Variants in GRID1 observed in about 807,000 individuals in gnomAD.
GRID1 encodes glutamate ionotropic receptor delta type subunit 1, also known as glutamate receptor ionotropic, delta-1.
GRID1 carries 28 observed loss-of-function variants against 98.0 expected under a neutral mutation model. That is an observed-to-expected ratio of 0.29 (90% CI 0.21 to 0.39). The LOEUF (loss-of-function observed/expected upper bound fraction) is 0.39. Among genes scored for constraint, GRID1 ranks in the 10% least tolerant of loss-of-function variants. The pLI is 1.00. For synonymous variants in GRID1, 553 were observed against 538.5 expected (o/e 1.03, Z -0.37); for missense variants, 1,111 against 1,340.5 (o/e 0.83, Z 2.67).
At chr10:85,845,145 G>T (rs1842994523) in intron 8 of GRID1, among the ~76,000 whole-genome samples, 1 of 151,430 alleles carries the variant, frequency 6.6e-6, no homozygotes, top group South Asian at 2.1e-4. Context: ...TGCAAATATA[G>T]AAGTTTTATT....
At chr10:85,872,184 T>G (rs1235626871) in intron 5 of GRID1, among the ~76,000 whole-genome samples, 1 of 152,050 alleles carries the variant, frequency 6.6e-6, no homozygotes, top group African/African-American at 2.4e-5. Context: ...CATTCTAATC[T>G]GAGACAAAGT....
chr10:85,842,603 TAAAAG>T (rs1216346577), intron 8 of GRID1, among the ~76,000 whole-genome samples: 2 of 151,858 alleles, frequency 1.3e-5, no homozygotes, highest in Non-Finnish European at 2.9e-5. Flanking sequence ...ATTTGAACAA[TAAAAG>T]AAAATACAAA....
At chr10:85,765,532 T>C (rs1842189826) in intron 8 of GRID1, among the ~76,000 whole-genome samples, 2 of 152,206 alleles carry the variant, frequency 1.3e-5, no homozygotes, top group South Asian at 2.1e-4. Flanking sequence ...ATGTAACACA[T>C]TGCTGTCAAA....
intron 8 of GRID1, among the ~76,000 whole-genome samples, chr10:85,851,156 C>A (rs1843054950): frequency 1.3e-5 from 2 of 152,120 alleles, no homozygotes; most frequent in Non-Finnish European, 2.9e-5. Context: ...GGTCCTGTTA[C>A]AGTTCTGAGC....
At chr10:85,993,056 A>G (rs1179620905) in intron 4 of GRID1, among the ~76,000 whole-genome samples, 6 of 152,212 alleles carry the variant, frequency 3.9e-5, no homozygotes, top group African/African-American at 1.4e-4. Flanking sequence ...GATAATATAA[A>G]AAGGACACCT....
intron 2 of GRID1, among the ~76,000 whole-genome samples, chr10:86,228,183 G>A (rs1177119631): frequency 6.6e-6 from 1 of 151,092 alleles, no homozygotes; most frequent in Non-Finnish European, 1.5e-5. Flanking sequence ...TTGAGTAGGT[G>A]GGTGGATGGA....
At chr10:86,042,807 T>C (rs1843365305) in intron 4 of GRID1, among the ~76,000 whole-genome samples, 1 of 152,176 alleles carries the variant, frequency 6.6e-6, no homozygotes, top group Non-Finnish European at 1.5e-5. Flanking sequence ...TATTCTAGCC[T>C]GGGCACAGTG....
At chr10:86,066,351 T>G (rs1843720233) in intron 4 of GRID1, among the ~76,000 whole-genome samples, 1 of 152,194 alleles carries the variant, frequency 6.6e-6, no homozygotes, top group Non-Finnish European at 1.5e-5. Flanking sequence ...TAATAAGAAC[T>G]GTTACTGACA....
In GRID1 at chr10:86,249,427, C is replaced by T. The variant is rs1303296287; in HGVS notation, c.236-42779G>A. Reference sequence around the variant, plus strand: ...TATCCCACAACTCATCCTCTCCAGTCTCTGACATCAGACAAATCTACTTGA... The same window carrying T: ...TATCCCACAACTCATCCTCTCCAGTTTCTGACATCAGACAAATCTACTTGA... On this transcript the variant is annotated intron_variant, in intron 2 of 15. Transcript: ENST00000327946. 2.6e-5 allele frequency among the ~76,000 whole-genome samples: 4 copies of T among 152,202 alleles called. No individual in the cohort carries two copies. The East Asian group carries it at 7.7e-4, about 29-fold the overall frequency.
intron 12 of GRID1, among the ~76,000 whole-genome samples, chr10:85,693,610 G>A (rs1383603326): frequency 6.6e-6 from 1 of 151,994 alleles, no homozygotes; most frequent in South Asian, 2.1e-4. Context: ...AAACAGAATA[G>A]AGAACATGGA....
chr10:85,785,010 T>C (rs1842414216), intron 8 of GRID1, among the ~76,000 whole-genome samples: 1 of 152,130 alleles, frequency 6.6e-6, no homozygotes, highest in Non-Finnish European at 1.5e-5. Context: ...GCAGAGGAGA[T>C]CCCCGATGCT....
chr10:85,861,248 C>T (rs1334950754), intron 6 of GRID1, among the ~76,000 whole-genome samples: 4 of 152,158 alleles, frequency 2.6e-5, no homozygotes, highest in Admixed American at 2.6e-4. Flanking sequence ...ATGTCTGACT[C>T]CTATAGCTTG....
At chr10:85,848,434 T>C (rs1385255442) in intron 8 of GRID1, among the ~76,000 whole-genome samples, 1 of 152,138 alleles carries the variant, frequency 6.6e-6, no homozygotes. Context: ...TGCCTGTAAG[T>C]TGAGTAATGT....
intron 4 of GRID1, among the ~76,000 whole-genome samples, chr10:86,134,812 A>T (rs1326130169): frequency 1.3e-5 from 2 of 152,114 alleles, no homozygotes; most frequent in Non-Finnish European, 2.9e-5. Context: ...CCTTCTGATG[A>T]TCCCATCTCT....
At chr10:85,903,635 A>G (rs966678285) in intron 5 of GRID1, among the ~76,000 whole-genome samples, 3 of 152,180 alleles carry the variant, frequency 2.0e-5, no homozygotes, top group Non-Finnish European at 2.9e-5. Context: ...CTTCACTCAG[A>G]ATAAGAATCG....
intron 4 of GRID1, among the ~76,000 whole-genome samples, chr10:85,953,303 A>G (rs1277908360): frequency 2.0e-5 from 3 of 152,134 alleles, no homozygotes; most frequent in Non-Finnish European, 2.9e-5. Flanking sequence ...GTTCTTACTT[A>G]TAAGTGGGAG....
intron 2 of GRID1, among the ~76,000 whole-genome samples, chr10:86,292,986 T>A (rs1431629436): frequency 6.6e-6 from 1 of 152,082 alleles, no homozygotes; most frequent in African/African-American, 2.4e-5. Context: ...GCCTGGACTC[T>A]ACGAAAATCA....
intron 4 of GRID1, among the ~76,000 whole-genome samples, chr10:86,043,469 A>G (rs1455630810): frequency 6.6e-6 from 1 of 152,170 alleles, no homozygotes; most frequent in Non-Finnish European, 1.5e-5. Flanking sequence ...TGCAGGCCTG[A>G]GCCTGCAGCT....
At chr10:86,001,163 A>T (rs148920685) in intron 4 of GRID1, among the ~76,000 whole-genome samples, 1 of 152,320 alleles carries the variant, frequency 6.6e-6, no homozygotes, top group East Asian at 1.9e-4. Flanking sequence ...GATGGAGAAC[A>T]AATCAGTGAT....
Sources: allele counts gnomAD v4.1 joint callset (sites outside exome capture counted in the v4.1 genomes callset), GRCh38; gene constraint gnomAD v4.1.1; transcripts MANE v1.5; gene names NCBI Gene and HGNC (gene_info 2026-07-23, HGNC 2026-07-21).